Variants in UBE2D3 observed in about 807,000 individuals in gnomAD.
UBE2D3 encodes the protein ubiquitin conjugating enzyme E2 D3, also known as ubiquitin-conjugating enzyme E2 D3.
UBE2D3 carries 2 observed loss-of-function variants against 22.8 expected under a neutral mutation model. The observed-to-expected ratio is 0.09, with a 90% CI of 0.04 to 0.28. The LOEUF is 0.28. Among genes scored for constraint, UBE2D3 ranks in the 10% least tolerant of loss-of-function variants. The pLI is 1.00. For missense variants in UBE2D3, 27 were observed against 182.5 expected (o/e 0.15, Z 4.91); for synonymous variants, 56 against 60.4 (o/e 0.93, Z 0.34).
chr4:102,827,028 C>T, intron 1 of UBE2D3: 1 of 993,726 alleles, frequency 1.0e-6, no homozygotes. Flanking sequence ...CGCCGGGCTG[C>T]TTTCGGTTTC....
chr4:102,802,063 T>C (rs1426819060), intron 5 of UBE2D3: 1 of 154,256 alleles, frequency 6.5e-6, no homozygotes, highest in Non-Finnish European at 1.4e-5. Flanking sequence ...GTATATTACC[T>C]TTTCTAGTTA....
chr4:102,831,992 G>T (rs1731140476), upstream of UBE2D3, among the ~76,000 whole-genome samples: 1 of 152,176 alleles, frequency 6.6e-6, no homozygotes, highest in South Asian at 2.1e-4. Flanking sequence ...AAAAGACACA[G>T]ATGTCATCTA....
At chr4:102,834,040 T>C (rs1731255623) in intron 1 of UBE2D3, among the ~76,000 whole-genome samples, 1 of 152,232 alleles carries the variant, frequency 6.6e-6, no homozygotes. Flanking sequence ...TTAAGAAATC[T>C]GTACATTCAG....
chr4:102,865,350 G>C (rs1340276616), intron 1 of UBE2D3, among the ~76,000 whole-genome samples: 2 of 151,994 alleles, frequency 1.3e-5, no homozygotes, highest in Admixed American at 6.6e-5. Flanking sequence ...AAATTAGCCG[G>C]GAGTGGTGGC....
chr4:102,800,784 G>A (rs1560842762), intron 6 of UBE2D3, among the ~76,000 whole-genome samples: 1 of 151,860 alleles, frequency 6.6e-6, no homozygotes, highest in African/African-American at 2.4e-5. Context: ...TTTTGAAAAA[G>A]CTTTTTTGTA....
intron 1 of UBE2D3, among the ~76,000 whole-genome samples, chr4:102,842,551 TAAAAAA>T (rs991892677): frequency 1.4e-5 from 2 of 141,108 alleles, no homozygotes; most frequent in Non-Finnish European, 1.6e-5. Context: ...AAGCCTGTCT[TAAAAAA>T]AAAAAAACCT....
chr4:102,848,928 T>TGC (rs899923920), intron 1 of UBE2D3, among the ~76,000 whole-genome samples: 5 of 35,078 alleles, frequency 1.4e-4, no homozygotes, highest in Non-Finnish European at 5.1e-5. Flanking sequence ...TGCCTGTGTG[T>TGC]GTGTGTGTGT....
intron 6 of UBE2D3, 130 bp downstream of exon 6, chr4:102,801,324 A>G: frequency 4.0e-6 from 3 of 750,662 alleles, no homozygotes; most frequent in Admixed American, 3.4e-5. Flanking sequence ...AACAAAAATT[A>G]TAAAAGTAAC....
At chr4:102,810,082 ATTT>A (rs896019404) in intron 2 of UBE2D3, 23 of 468,136 alleles carry the variant, frequency 4.9e-5, no homozygotes, top group Admixed American at 4.3e-4. Context: ...TTGATACAAA[ATTT>A]TTTATTTACA....
intron 2 of UBE2D3, 94 bp downstream of exon 2, chr4:102,826,391 T>G: frequency 1.3e-6 from 2 of 1,491,998 alleles, no homozygotes; most frequent in East Asian, 4.5e-5. Context: ...AGAGGTATTT[T>G]CAGAATTATG....
At chr4:102,825,510 G>A in intron 2 of UBE2D3, 1 of 1,171,394 alleles carries the variant, frequency 8.5e-7, no homozygotes, top group Non-Finnish European at 1.1e-6. Flanking sequence ...GAAAGAGCCT[G>A]AACCAGTTAA....
intron 1 of UBE2D3, among the ~76,000 whole-genome samples, chr4:102,833,945 T>A (rs1468976756): frequency 1.3e-5 from 2 of 152,204 alleles, no homozygotes; most frequent in Non-Finnish European, 2.9e-5. Context: ...TCAGGGCAAG[T>A]ACTGAAGCCG....
At chr4:102,858,057 T>A (rs890327761) in intron 1 of UBE2D3, among the ~76,000 whole-genome samples, 2 of 152,034 alleles carry the variant, frequency 1.3e-5, no homozygotes, top group Non-Finnish European at 2.9e-5. Context: ...CTTTTGTTAG[T>A]GTATCCATAT....
upstream of UBE2D3, among the ~76,000 whole-genome samples, chr4:102,830,958 G>A (rs1001008556): frequency 1.6e-4 from 24 of 152,146 alleles, no homozygotes; most frequent in Non-Finnish European, 7.4e-5. Flanking sequence ...GTGAGGCCAC[G>A]TTATTATAAT....
chr4:102,838,371 A>G (rs1322036068), intron 1 of UBE2D3, among the ~76,000 whole-genome samples: 2 of 152,198 alleles, frequency 1.3e-5, no homozygotes, highest in Non-Finnish European at 2.9e-5. Flanking sequence ...TCTTTGGAAC[A>G]TGACACAGTA....
intron 1 of UBE2D3, among the ~76,000 whole-genome samples, chr4:102,858,505 G>A (rs1468722135): frequency 6.6e-6 from 1 of 151,750 alleles, no homozygotes; most frequent in Non-Finnish European, 1.5e-5. Context: ...AATAGGTTTG[G>A]CATCTCTAGG....
At chr4:102,827,600 C>T (rs1467196347), upstream of UBE2D3, 3 of 986,922 alleles carry the variant, frequency 3.0e-6, no homozygotes, top group South Asian at 4.7e-5. Flanking sequence ...GCCTCTTCAC[C>T]GCCGCGGATC....
chr4:102,840,742 TAGAAATG>T (rs1201086542), intron 1 of UBE2D3, among the ~76,000 whole-genome samples: 7 of 152,206 alleles, frequency 4.6e-5, no homozygotes, highest in African/African-American at 1.7e-4. Flanking sequence ...TCCCAGCACT[TAGAAATG>T]AGAAATATTC....
At chr4:102,819,619 C>T in intron 2 of UBE2D3, 2 of 985,338 alleles carry the variant, frequency 2.0e-6, no homozygotes, top group South Asian at 9.4e-5. Context: ...GGTTTCATCC[C>T]CCCAAGGCTT....
Sources: gnomAD v4.1 joint callset for allele counts (sites outside exome capture counted in the v4.1 genomes callset) on GRCh38, gnomAD v4.1.1 for gene constraint, MANE v1.5 for transcripts, NCBI Gene and HGNC (gene_info 2026-07-23, HGNC 2026-07-21) for gene names.